TGFB2: variants seen among roughly 807,000 people sequenced by gnomAD.
TGFB2 encodes transforming growth factor beta-2 proprotein.
TGFB2 carries 13 observed loss-of-function variants against 42.7 expected under a neutral mutation model. The ratio of observed to expected loss-of-function variants is 0.30; its 90% CI spans 0.20 to 0.48. The LOEUF (loss-of-function observed/expected upper bound fraction) is 0.48, where lower values mean the gene tolerates loss of function less well. Among genes scored for constraint, TGFB2 ranks in the 20% least tolerant of loss-of-function variants. The pLI is 0.99. For missense variants in TGFB2, 390 were observed against 517.5 expected (o/e 0.75, Z 2.39); for synonymous variants, 193 against 193.6 (o/e 1.00, Z 0.03).
chr1:218,359,003 T>C (rs565940802), intron 1 of TGFB2, among the ~76,000 whole-genome samples: 4 of 152,010 alleles, frequency 2.6e-5, no homozygotes, highest in African/African-American at 9.7e-5. Context: ...CAGAGGTCAG[T>C]CAGGGCTTTC....
intron 1 of TGFB2, among the ~76,000 whole-genome samples, chr1:218,386,145 A>C (rs1211553241): frequency 6.6e-6 from 1 of 152,172 alleles, no homozygotes; most frequent in Non-Finnish European, 1.5e-5. Flanking sequence ...AATCTTTATC[A>C]GGAGAGGTGG....
intron 1 of TGFB2, among the ~76,000 whole-genome samples, chr1:218,360,116 C>T (rs1270647929): frequency 6.6e-6 from 1 of 152,136 alleles, no homozygotes; most frequent in Non-Finnish European, 1.5e-5. Context: ...ATTCCCAAGC[C>T]TTTGTCAGCC....
intron 1 of TGFB2, among the ~76,000 whole-genome samples, chr1:218,347,933 A>ATTTTTTTTTTTTTTTT (rs11406779): frequency 1.5e-5 from 2 of 129,900 alleles, no homozygotes; most frequent in Non-Finnish European, 1.7e-5. Flanking sequence ...CGACAGCCGT[A>ATTTTTTTTTTTTTTTT]TTTTTTTTTT....
At chr1:218,434,022 GT>G in intron 2 of TGFB2, 59 bp from the exon 3 acceptor site, 5 of 1,601,786 alleles carry the variant, frequency 3.1e-6, no homozygotes, top group Non-Finnish European at 4.3e-6. Flanking sequence ...AATAGTTTTG[GT>G]TTAGTCATGC....
intron 1 of TGFB2, among the ~76,000 whole-genome samples, chr1:218,358,213 T>C (rs1657100439): frequency 6.6e-6 from 1 of 152,248 alleles, no homozygotes; most frequent in Non-Finnish European, 1.5e-5. Context: ...AAAAGATGAC[T>C]GTGTACTTTT....
chr1:218,378,772 T>TG (rs1420888782), intron 1 of TGFB2, among the ~76,000 whole-genome samples: 9 of 40,046 alleles, frequency 2.2e-4, no homozygotes, highest in South Asian at 9.3e-4. Context: ...ACACCCGGCC[T>TG]GTTTTTTTTT....
chr1:218,422,769 C>T (rs993412309), intron 2 of TGFB2, among the ~76,000 whole-genome samples: 1 of 152,234 alleles, frequency 6.6e-6, no homozygotes, highest in Admixed American at 6.5e-5. Flanking sequence ...CCTTTAAGAA[C>T]AGGCACCATC....
At chr1:218,367,636 A>T (rs1657428952) in intron 1 of TGFB2, among the ~76,000 whole-genome samples, 1 of 152,218 alleles carries the variant, frequency 6.6e-6, no homozygotes, top group Admixed American at 6.5e-5. Context: ...ATCTGATTGA[A>T]GTGTGAGAAG....
intron 6 of TGFB2, 112 bp from the exon 7 acceptor site, chr1:218,441,092 A>G: frequency 1.0e-6 from 1 of 988,752 alleles, no homozygotes; most frequent in Non-Finnish European, 1.5e-6. Context: ...AATAATTTTA[A>G]ATTGCCTACT....
chr1:218,425,464 C>T (rs1170448835), intron 2 of TGFB2, among the ~76,000 whole-genome samples: 2 of 152,116 alleles, frequency 1.3e-5, no homozygotes, highest in Admixed American at 1.3e-4. Context: ...ACCTCAGCCT[C>T]CCAAAGTGCT....
intron 1 of TGFB2, among the ~76,000 whole-genome samples, chr1:218,380,594 G>A (rs561760000): frequency 2.8e-4 from 42 of 152,238 alleles, no homozygotes; most frequent in African/African-American, 7.2e-4. Context: ...ATATGTGTCC[G>A]GGTGCCAAGA....
intron 2 of TGFB2, among the ~76,000 whole-genome samples, chr1:218,433,099 C>T (rs995123194): frequency 1.2e-4 from 18 of 152,192 alleles, no homozygotes; most frequent in African/African-American, 3.9e-4. Flanking sequence ...GAGGCAATCC[C>T]ACTCTGTCAC....
At chr1:218,432,538 A>G (rs1285520313) in intron 2 of TGFB2, among the ~76,000 whole-genome samples, 1 of 152,228 alleles carries the variant, frequency 6.6e-6, no homozygotes, top group Non-Finnish European at 1.5e-5. Flanking sequence ...GTCTGTTGCC[A>G]AATTACCTGA....
rs1303986205 is a variant in TGFB2, at chr1:218,442,702, C to T, written c.*1340C>T. On this transcript the variant is annotated 3_prime_UTR_variant, in exon 7 of 7. Transcript: ENST00000366930. ...TTTTGTTTCACAGAAAAGATGGGTT[C>T]GAGTTCAGTGGTCTTCATCTTCCAA... The T allele has an allele frequency of 1.3e-5, 2 of 150,832 alleles. No individual in the cohort carries two copies. The highest frequency in any genetic ancestry group is 2.9e-5 in the Non-Finnish European group (2 of 67,882). 9.3% of individuals were successfully genotyped at this position (150,832 alleles called of 1,614,324 possible).
chr1:218,357,436 G>A (rs980535008), intron 1 of TGFB2, among the ~76,000 whole-genome samples: 1 of 152,184 alleles, frequency 6.6e-6, no homozygotes, highest in African/African-American at 2.4e-5. Context: ...CTTCAGTGAT[G>A]TGGAAAAACA....
At chr1:218,378,174 T>A (rs1455949540) in intron 1 of TGFB2, among the ~76,000 whole-genome samples, 20 of 66,512 alleles carry the variant, frequency 3.0e-4, no homozygotes, top group Admixed American at 1.5e-3. Context: ...TATTTATTTA[T>A]TTATTTATTT....
At chr1:218,374,299 T>C (rs1486764167) in intron 1 of TGFB2, among the ~76,000 whole-genome samples, 1 of 152,238 alleles carries the variant, frequency 6.6e-6, no homozygotes, top group Non-Finnish European at 1.5e-5. Context: ...CAGTTCCTGA[T>C]AGGCCCCATA....
At chr1:218,415,233 A>G (rs1369436587) in intron 2 of TGFB2, among the ~76,000 whole-genome samples, 2 of 152,204 alleles carry the variant, frequency 1.3e-5, no homozygotes, top group Admixed American at 1.3e-4. Context: ...AACTGTTGTA[A>G]GAAACAGTGT....
intron 1 of TGFB2, among the ~76,000 whole-genome samples, chr1:218,379,861 T>C (rs1244600249): frequency 6.6e-6 from 1 of 152,226 alleles, no homozygotes; most frequent in Non-Finnish European, 1.5e-5. Context: ...TTTTACTTAC[T>C]TAAGGAACCA....
Sources: gnomAD v4.1 joint callset for allele counts (sites outside exome capture counted in the v4.1 genomes callset) on GRCh38, gnomAD v4.1.1 for gene constraint, MANE v1.5 for transcripts, NCBI Gene and HGNC (gene_info 2026-07-23, HGNC 2026-07-21) for gene names.